The following KAZN variants were observed in gnomAD, a reference collection of about 807,000 sequenced individuals.
KAZN encodes kazrin, periplakin interacting protein.
Under a neutral mutation model 87.4 loss-of-function variants are expected in KAZN, and 40 were observed. The observed-to-expected ratio is 0.46, with a 90% CI of 0.36 to 0.60. The LOEUF (loss-of-function observed/expected upper bound fraction) is 0.60, where lower values mean the gene tolerates loss of function less well. Among genes scored for constraint, KAZN ranks in the 20% least tolerant of loss-of-function variants. The probability of loss-of-function intolerance (pLI) is 0.00; values close to 1 mark genes in which losing one functional copy is unlikely to be tolerated. For synonymous variants in KAZN, 466 were observed against 458.3 expected, an observed-to-expected ratio of 1.02 and a Z score of -0.22; for missense variants, 898 against 1,073.9, an observed-to-expected ratio of 0.84 and a Z score of 2.29.
rs138849700 is a variant in KAZN, at chr1:14,784,373, C to T, written c.227-176311C>T. Among the ~76,000 whole-genome samples the T allele has an allele frequency of 3.3e-3, 502 of 152,248 alleles. 3 individuals carry two copies. Among genetic ancestry groups the T allele is most frequent in the African/African-American group, 0.011 (469 of 41,528 alleles). On this transcript the variant is annotated intron_variant, in intron 1 of 14. Transcript: ENST00000376030. Reference sequence around the variant, plus strand: ...TAGCCAAGTTGACATTGAAAACTGACCATCAGAGAGGGAGTCTGGGGAGGT... The same window carrying T: ...TAGCCAAGTTGACATTGAAAACTGATCATCAGAGAGGGAGTCTGGGGAGGT...
At chr1:14,422,261 G>A (rs925321128) in intron 2 of KAZN, among the ~76,000 whole-genome samples, 4 of 152,206 alleles carry the variant, frequency 2.6e-5, no homozygotes, top group African/African-American at 7.2e-5. Context: ...GAGAACATCC[G>A]TGGGCTTCCG....
chr1:14,092,097 T>C (rs1015949008), intron 1 of KAZN, among the ~76,000 whole-genome samples: 22 of 148,016 alleles, frequency 1.5e-4, no homozygotes, highest in African/African-American at 2.2e-4. Context: ...CTTTTCTTTT[T>C]TTTTTTTTTT....
At chr1:13,900,469 A>C (rs1268252631) in intron 1 of KAZN, among the ~76,000 whole-genome samples, 2 of 152,158 alleles carry the variant, frequency 1.3e-5, no homozygotes, top group East Asian at 3.9e-4. Context: ...CTTGACCTCA[A>C]GAAGTTCCTA....
At position 14,328,119 on chromosome 1, in the gene KAZN, A is replaced by C. The variant is rs564189630; in HGVS notation, c.249+147527A>C. ...AAAATAATTAACCTATTTCCTCCCC[A>C]ATGGAGTAATAATTTAAGCCTCCAG... On this transcript the variant is annotated intron_variant, in intron 2 of 16. Coordinates refer to the KAZN transcript ENST00000636203. Among the ~76,000 whole-genome samples the C allele has an allele frequency of 2.6e-5, 4 of 152,316 alleles. No individual in the cohort carries two copies. In the East Asian group the frequency reaches 5.8e-4, roughly 22 times the overall value.
Position 15,056,004 on chromosome 1 carries a change from TC to T in KAZN, c.727-83del. On this transcript the variant is annotated intron_variant, in intron 4 of 14. Coordinates refer to ENST00000376030, the MANE Select transcript of KAZN (RefSeq NM_201628.3). This position sits in a 1 kb window ranked among gnomAD's most constrained non-coding sequence, Gnocchi z 5.4. ...CCCGGTGCAGAGGATCCGGGCTTTC[TC>T]CCCATGGCGGTGGGTGGTGCCAAGC... 6.7e-6 allele frequency: 9 copies of T among 1,334,090 alleles called. No individual in the cohort carries two copies. Among genetic ancestry groups the T allele is most frequent in the Non-Finnish European group, 9.5e-6 (9 of 952,318 alleles). 82.6% of individuals were successfully genotyped at this position (1,334,090 alleles called of 1,614,324 possible). A position where few individuals can be genotyped will look rare whatever the true frequency, so the allele number is the denominator to read the frequency against.
intron 1 of KAZN, among the ~76,000 whole-genome samples, chr1:14,707,745 C>T (rs760434717): frequency 3.3e-5 from 5 of 152,286 alleles, no homozygotes; most frequent in East Asian, 1.9e-4. Flanking sequence ...GTTTCTGACT[C>T]ATTTACGCCG....
rs1658790845 is a variant in KAZN, at chr1:14,923,540, T to C, written c.227-37144T>C. ...CATGGGCAGCACTGATAATGGACAG[T>C]GGGGAATTACTAATGCCTAACTCAT... On this transcript the variant is annotated intron_variant, in intron 1 of 14. Coordinates refer to ENST00000376030, the MANE Select transcript of KAZN (RefSeq NM_201628.3). This position sits in a 1 kb window ranked among gnomAD's most constrained non-coding sequence, Gnocchi z 4.2. Among the ~76,000 whole-genome samples the C allele has an allele frequency of 6.6e-6, 1 of 151,992 alleles. No homozygotes were observed. The highest frequency in any genetic ancestry group is 2.1e-4 in the South Asian group (1 of 4,822).
intron 1 of KAZN, among the ~76,000 whole-genome samples, chr1:14,054,540 AGGGGCTAAAT>A (rs1642470371): frequency 6.6e-6 from 1 of 152,210 alleles, no homozygotes; most frequent in African/African-American, 2.4e-5. Flanking sequence ...AGGTTTTCCT[AGGGGCTAAAT>A]TCTGGAACCA....
rs116739238 is a variant in KAZN at position 14,821,888 on chromosome 1, C to T, written c.227-138796C>T. On this transcript the variant is annotated intron_variant, in intron 1 of 14. Coordinates refer to ENST00000376030, the MANE Select transcript of KAZN (RefSeq NM_201628.3). ...CAACTCCCTCCAAGGAGCAGAGTCC[C>T]GTCTGCCCTCAGTAGAGCTCTCAGC... 3.3e-3 allele frequency among the ~76,000 whole-genome samples: 499 copies of T among 152,258 alleles called. 2 individuals are homozygous for T. The highest frequency in any genetic ancestry group is 0.01 in the African/African-American group (433 of 41,546).
At chr1:15,109,358 G>A (rs1023961661) in intron 13 of KAZN, among the ~76,000 whole-genome samples, 4 of 152,134 alleles carry the variant, frequency 2.6e-5, no homozygotes, top group African/African-American at 9.7e-5. Flanking sequence ...AACAGAGCGA[G>A]ACCCTCGCTC....
intron 3 of KAZN, among the ~76,000 whole-genome samples, chr1:15,039,221 C>A (rs1161902828): frequency 7.0e-6 from 1 of 143,208 alleles, no homozygotes; most frequent in Non-Finnish European, 1.6e-5. Flanking sequence ...GAGTGATTGT[C>A]CCCATTCCCC....
intron 2 of KAZN, among the ~76,000 whole-genome samples, chr1:14,392,337 C>G (rs533503217): frequency 1.3e-5 from 2 of 152,260 alleles, no homozygotes; most frequent in East Asian, 1.9e-4. Flanking sequence ...CCAGCCTGCA[C>G]GATGACTCTG....
At chr1:15,065,795 T>G in intron 8 of KAZN, 42 bp downstream of exon 8, 1 of 1,606,434 alleles carries the variant, frequency 6.2e-7, no homozygotes, top group Non-Finnish European at 8.5e-7. Flanking sequence ...CGCGGACTGG[T>G]GATACGCGCT....
At chr1:14,698,714 G>A (rs1408095908) in intron 1 of KAZN, among the ~76,000 whole-genome samples, 5 of 152,220 alleles carry the variant, frequency 3.3e-5, no homozygotes, top group Non-Finnish European at 7.3e-5. Context: ...CCTCCTCAGC[G>A]CCAGCACCAG....
chr1:15,081,645 A>G lies in KAZN; in HGVS notation c.1223-12535A>G, dbSNP rs1640009772. Among the ~76,000 whole-genome samples, 1 of 152,148 alleles carries G rather than the reference A, an allele frequency of 6.6e-6. No homozygotes were observed. The stretch of plus-strand genomic sequence containing the variant: ...TGACCAGGAAAGGAGTCCCTGAAAT[A>G]ATCAGTATTGAAACAGAGCCCTGAG... On this transcript the variant is annotated intron_variant, in intron 8 of 14. Transcript: ENST00000376030. This position sits in a 1 kb window ranked among gnomAD's most constrained non-coding sequence, Gnocchi z 4.1.
intron 1 of KAZN, among the ~76,000 whole-genome samples, chr1:14,875,742 A>C (rs1303264900): frequency 6.6e-6 from 1 of 152,222 alleles, no homozygotes; most frequent in East Asian, 1.9e-4. Flanking sequence ...ACTACAAATC[A>C]GGGCTCCTTC....
chr1:15,020,503 G>A (rs756478763), intron 2 of KAZN, among the ~76,000 whole-genome samples: 7 of 152,016 alleles, frequency 4.6e-5, no homozygotes, highest in Admixed American at 2.0e-4. Context: ...CTCTTGCATC[G>A]TCTCTTCTTA....
chr1:14,137,701 CTTTTTTTTTT>C (rs35819477), intron 1 of KAZN, among the ~76,000 whole-genome samples: 22 of 65,056 alleles, frequency 3.4e-4, no homozygotes, highest in African/African-American at 1.4e-3. Context: ...AAATATAAGG[CTTTTTTTTTT>C]TTTTTTTTTT....
At chr1:14,580,831 A>G (rs1398902491) in intron 2 of KAZN, among the ~76,000 whole-genome samples, 6 of 152,182 alleles carry the variant, frequency 3.9e-5, no homozygotes, top group Admixed American at 6.5e-5. Flanking sequence ...CAATGTCATC[A>G]ACCAATGTCA....
Sources: allele counts gnomAD v4.1 joint callset (sites outside exome capture counted in the v4.1 genomes callset), GRCh38; gene constraint gnomAD v4.1.1; non-coding constraint Gnocchi (gnomAD v3.1); transcripts MANE v1.5; gene names NCBI Gene and HGNC (gene_info 2026-07-23, HGNC 2026-07-21).